TMEM245: variants seen among roughly 807,000 people sequenced by gnomAD.
TMEM245 encodes the protein protein CG-2.
A neutral mutation model predicts 101.2 loss-of-function variants in TMEM245; 69 were observed. The observed-to-expected ratio is 0.68, with a 90% CI of 0.56 to 0.83. TMEM245 has a LOEUF of 0.83. Ranked by LOEUF, TMEM245 falls within the 40% of genes least tolerant of loss-of-function variation. The probability of loss-of-function intolerance (pLI) is 0.00; values close to 1 mark genes in which losing one functional copy is unlikely to be tolerated. For synonymous variants in TMEM245, 537 were observed against 449.8 expected, an observed-to-expected ratio of 1.19 and a Z score of -2.45; for missense variants, 1,075 against 1,092.8, an observed-to-expected ratio of 0.98 and a Z score of 0.23.
intron 17 of TMEM245, 62 bp from the exon 18 acceptor site, chr9:109,020,567 A>G: frequency 6.8e-7 from 1 of 1,460,898 alleles, no homozygotes; most frequent in Non-Finnish European, 9.6e-7. Context: ...TATTTTTACA[A>G]TCTTTTGGAG....
chr9:109,093,571 C>T lies in TMEM245; in HGVS notation c.820G>A (p.Val274Ile), dbSNP rs764750111. The T allele has an allele frequency of 1.2e-6, 2 of 1,614,056 alleles. No individual in the cohort carries two copies. Among genetic ancestry groups the T allele is most frequent in the South Asian group, 1.1e-5 (1 of 91,064 alleles). Residue 274 changes from valine to isoleucine, a missense_variant, in exon 4 of 18, where the codon GTT (valine) becomes ATT (isoleucine). Val to Ile is a conservative substitution (Grantham distance 29). This residue lies in a region of TMEM245 where 808 missense variants were observed against 741.5 expected (regional missense o/e 1.09). Coordinates refer to ENST00000374586, the MANE Select transcript of TMEM245 (RefSeq NM_032012.4). The part of the protein sequence containing the change: ...ESSGAELPGQ[V>I]ISMAASTLAN... ...AGAGTAGAAGCTGCCATGGAGATAACCTGCCCTGGTAACTCTGCCCCTGTA... is the reference window on the plus strand; with the variant it reads ...AGAGTAGAAGCTGCCATGGAGATAATCTGCCCTGGTAACTCTGCCCCTGTA...
rs371190466 is a variant in TMEM245 at position 109,050,446 on chromosome 9, A to G, written c.1978-18T>C. 9.3e-6 allele frequency: 15 copies of G among 1,612,836 alleles called. No homozygotes were observed. The African/African-American group carries it at 1.6e-4, about 17-fold the overall frequency. On this transcript the variant is annotated intron_variant, in intron 13 of 17. Transcript: ENST00000374586. Reference sequence around the variant, plus strand: ...AAAATTATCTGCAAAACAAAGGACAACATCTCCTAAAAAAATCGTATTTGG... The same window carrying G: ...AAAATTATCTGCAAAACAAAGGACAGCATCTCCTAAAAAAATCGTATTTGG...
chr9:109,073,685 T>C (rs975030968), intron 8 of TMEM245, among the ~76,000 whole-genome samples: 2 of 152,178 alleles, frequency 1.3e-5, no homozygotes, highest in East Asian at 1.9e-4. Context: ...AATACATAAA[T>C]AGATATGTTC....
chr9:109,078,577 T>C (rs757618620), intron 8 of TMEM245, among the ~76,000 whole-genome samples: 5 of 152,250 alleles, frequency 3.3e-5, no homozygotes, highest in Non-Finnish European at 4.4e-5. Context: ...CAATGTCTTT[T>C]AGTCTTTGCT....
At chr9:109,058,424 G>A (rs1828911575) in intron 11 of TMEM245, among the ~76,000 whole-genome samples, 1 of 152,038 alleles carries the variant, frequency 6.6e-6, no homozygotes, top group African/African-American at 2.4e-5. Context: ...AGAGATATGA[G>A]AATAACTAAA....
At chr9:109,077,872 A>G (rs970157609) in intron 8 of TMEM245, among the ~76,000 whole-genome samples, 3 of 152,292 alleles carry the variant, frequency 2.0e-5, no homozygotes, top group East Asian at 1.9e-4. Flanking sequence ...CAGTCTGACA[A>G]TGTATGCTTT....
At chr9:109,027,058 G>T (rs184768062) in intron 17 of TMEM245, among the ~76,000 whole-genome samples, 2 of 152,160 alleles carry the variant, frequency 1.3e-5, no homozygotes, top group East Asian at 3.9e-4. Context: ...TTATAGCAAT[G>T]AAAAACAGAC....
At chr9:109,076,292 ACAC>A (rs1265274014) in intron 8 of TMEM245, among the ~76,000 whole-genome samples, 2 of 150,706 alleles carry the variant, frequency 1.3e-5, no homozygotes, top group African/African-American at 4.9e-5. Context: ...AAAAAACCAA[ACAC>A]CACATGTTCT....
rs112591003 is a variant in TMEM245 at position 109,117,141 on chromosome 9, C to A, written c.579+2194G>T. 9.4e-4 allele frequency among the ~76,000 whole-genome samples: 143 copies of A among 151,966 alleles called. 1 individual carries two copies. The highest frequency in any genetic ancestry group is 3.2e-3 in the African/African-American group (133 of 41,428). On this transcript the variant is annotated intron_variant, in intron 1 of 17. Transcript: ENST00000374586. ...GGTTTTTTTTTGAGACGGAATTTCA[C>A]GCTTGTCACCCAGAATGGAGTGCAG...
intron 17 of TMEM245, 147 bp downstream of exon 17, chr9:109,033,160 T>C: frequency 1.1e-6 from 1 of 891,314 alleles, no homozygotes; most frequent in Middle Eastern, 3.8e-4. Context: ...CGATTTGTAT[T>C]TACTTAGTGT....
Position 109,050,654 on chromosome 9 carries a change from C to T in TMEM245, c.1893G>A (p.Val631=). Residue 631 remains valine, a synonymous_variant, in exon 13 of 18, where the codon GTG becomes GTA. Transcript: ENST00000374586. ...ESLWIVMSRN[V]SLLFTTVTTL... ...TAGTGACAGTGGTGAACAGCAGGCT[C>T]ACATTCCGGCTCATAACGATCCACA... 6.2e-7 allele frequency: 1 copy of T among 1,613,016 alleles called. No homozygotes were observed. Among genetic ancestry groups the T allele is most frequent in the Admixed American group, 1.7e-5 (1 of 59,820 alleles).
At chr9:109,081,396 A>C (rs1181656781) in intron 7 of TMEM245, among the ~76,000 whole-genome samples, 1 of 152,240 alleles carries the variant, frequency 6.6e-6, no homozygotes, top group Non-Finnish European at 1.5e-5. Flanking sequence ...GGACTAAAAA[A>C]TACAGATAAA....
chr9:109,049,924 G>C (rs536143594), intron 14 of TMEM245, among the ~76,000 whole-genome samples: 1 of 152,232 alleles, frequency 6.6e-6, no homozygotes, highest in East Asian at 1.9e-4. Context: ...CAAGTAGCTG[G>C]GGTTACAGGT....
chr9:109,086,292 C>T (rs369390252), intron 6 of TMEM245, among the ~76,000 whole-genome samples: 12 of 152,202 alleles, frequency 7.9e-5, no homozygotes, highest in African/African-American at 2.9e-4. Context: ...CCTGCATGCT[C>T]GTAGGCTTAG....
chr9:109,075,055 C>T (rs990952319), intron 8 of TMEM245, among the ~76,000 whole-genome samples: 14 of 152,096 alleles, frequency 9.2e-5, no homozygotes, highest in Admixed American at 5.9e-4. Context: ...TAAGTTTGGA[C>T]GCTGTGTTGA....
intron 8 of TMEM245, among the ~76,000 whole-genome samples, chr9:109,079,039 A>G (rs1344250451): frequency 6.6e-6 from 1 of 152,200 alleles, no homozygotes; most frequent in Non-Finnish European, 1.5e-5. Flanking sequence ...ACTTCCTTCA[A>G]GAAAAGCTGC....
chr9:109,055,343 G>T (rs1828799867), intron 12 of TMEM245, among the ~76,000 whole-genome samples: 2 of 147,994 alleles, frequency 1.4e-5, no homozygotes, highest in South Asian at 4.2e-4. Flanking sequence ...AGGATACTGG[G>T]TGGAACCTGC....
chr9:109,089,011 C>T (rs1433254940), intron 5 of TMEM245, among the ~76,000 whole-genome samples: 1 of 151,934 alleles, frequency 6.6e-6, no homozygotes, highest in Non-Finnish European at 1.5e-5. Flanking sequence ...CGGTGACTCA[C>T]ACCTGTATAG....
intron 17 of TMEM245, among the ~76,000 whole-genome samples, chr9:109,023,663 T>TC (rs1487792730): frequency 6.6e-6 from 1 of 151,858 alleles, no homozygotes; most frequent in Non-Finnish European, 1.5e-5. Context: ...TGAAACCCCG[T>TC]CCCCACTAAA....
Sources: allele counts gnomAD v4.1 joint callset (sites outside exome capture counted in the v4.1 genomes callset), GRCh38; gene constraint gnomAD v4.1.1; regional missense constraint gnomAD v4.1.1; transcripts MANE v1.5; gene names NCBI Gene and HGNC (gene_info 2026-07-23, HGNC 2026-07-21).